PDE7A: variants seen among roughly 807,000 people sequenced by gnomAD.
PDE7A encodes phosphodiesterase 7A.
In PDE7A, 39 loss-of-function variants were observed where a neutral mutation model predicts 64.3. The observed-to-expected ratio is 0.61, with a 90% CI of 0.47 to 0.79. The LOEUF (loss-of-function observed/expected upper bound fraction) is 0.79. Ranked by LOEUF, PDE7A falls within the 30% of genes least tolerant of loss-of-function variation. PDE7A has a pLI of 0.00. For synonymous variants in PDE7A, 203 were observed against 206.8 expected (o/e 0.98, Z 0.16); for missense variants, 470 against 582.8 (o/e 0.81, Z 1.99).
intron 1 of PDE7A, among the ~76,000 whole-genome samples, chr8:65,794,577 G>T (rs1809788903): frequency 6.6e-6 from 1 of 152,144 alleles, no homozygotes; most frequent in Non-Finnish European, 1.5e-5. Flanking sequence ...AATAAGAATG[G>T]TAACTGTCCA....
At chr8:65,766,837 C>A (rs1396544434) in intron 3 of PDE7A, among the ~76,000 whole-genome samples, 1 of 152,174 alleles carries the variant, frequency 6.6e-6, no homozygotes, top group Non-Finnish European at 1.5e-5. Context: ...GACCACAAAT[C>A]TGTACCTTAA....
chr8:65,839,870 G>C (rs1448696137), intron 1 of PDE7A, among the ~76,000 whole-genome samples: 2 of 152,108 alleles, frequency 1.3e-5, no homozygotes, highest in African/African-American at 4.8e-5. Context: ...TTCTCAGAGA[G>C]CACAAGAACT....
chr8:65,775,670 A>C (rs57463822), intron 3 of PDE7A, among the ~76,000 whole-genome samples: 64,603 of 152,176 alleles, frequency 0.42, 17,206 homozygotes, highest in African/African-American at 0.76. Context: ...CTCTGTAGCC[A>C]AGGCTTGAGT....
chr8:65,761,781 C>T (rs1452925823), intron 3 of PDE7A, among the ~76,000 whole-genome samples: 1 of 152,186 alleles, frequency 6.6e-6, no homozygotes, highest in Non-Finnish European at 1.5e-5. Flanking sequence ...ATGTAAAAGA[C>T]ATGTTTTTCT....
At position 65,763,037 on chromosome 8, in the gene PDE7A, G is replaced by A. The variant is rs1309824109; in HGVS notation, c.284-15234C>T. On this transcript the variant is annotated intron_variant, in intron 3 of 12. Transcript: ENST00000401827. ...TGTGTGTGTGTGTGTGTGTGTGTGTGTATAAAATGAATATACAGCTTAAAC... is the reference window on the plus strand; with the variant it reads ...TGTGTGTGTGTGTGTGTGTGTGTGTATATAAAATGAATATACAGCTTAAAC... Among the ~76,000 whole-genome samples, 6 of 134,806 alleles carry A rather than the reference G, an allele frequency of 4.5e-5. No homozygotes were observed. In the East Asian group the frequency reaches 7.2e-4, roughly 16 times the overall value. The allele number at this position is 134,806 out of a possible 152,430, so 88.4% of individuals were successfully genotyped here. A position where few individuals can be genotyped will look rare whatever the true frequency, so the allele number is the denominator to read the frequency against.
At position 65,785,245 on chromosome 8, in the gene PDE7A, G is replaced by T. The variant is rs1368105255; in HGVS notation, c.139-2402C>A. On this transcript the variant is annotated intron_variant, in intron 1 of 12. Coordinates refer to ENST00000401827, the MANE Select transcript of PDE7A (RefSeq NM_001242318.3). Reference sequence around the variant, plus strand: ...ACTGGGTGTCTCCAAGGAGGCTGAGGGATACAGAGGTAGGAGAGGGGCTTT... The same window carrying T: ...ACTGGGTGTCTCCAAGGAGGCTGAGTGATACAGAGGTAGGAGAGGGGCTTT... Among the ~76,000 whole-genome samples, 3 of 152,100 alleles carry T rather than the reference G, an allele frequency of 2.0e-5. No homozygotes were observed. The East Asian group carries it at 5.8e-4, about 29-fold the overall frequency.
rs771568972 is a variant in PDE7A at position 65,715,527 on chromosome 8, G to A, written c.*3763C>T. ...CGAGTAGCTGGGATTACAGGAATGCGCCACCACGCCCAGCTAATTTTTGCA... is the reference window on the plus strand; with the variant it reads ...CGAGTAGCTGGGATTACAGGAATGCACCACCACGCCCAGCTAATTTTTGCA... On this transcript the variant is annotated 3_prime_UTR_variant, in exon 13 of 13. Transcript: ENST00000401827. 2.6e-5 allele frequency among the ~76,000 whole-genome samples: 4 copies of A among 151,600 alleles called. No homozygotes were observed. The highest frequency in any genetic ancestry group is 4.4e-5 in the Non-Finnish European group (3 of 67,874).
Position 65,798,204 on chromosome 8 carries a change from A to ATT in PDE7A, c.139-15362_139-15361insAA, listed in dbSNP as rs377351893. Among the ~76,000 whole-genome samples, 137 of 38,192 alleles carry ATT rather than the reference A, an allele frequency of 3.6e-3. 1 individual carries two copies. The highest frequency in any genetic ancestry group is 0.012 in the Middle Eastern group (1 of 82). 25.1% of individuals were successfully genotyped at this position (38,192 alleles called of 152,430 possible). The stretch of plus-strand genomic sequence containing the variant: ...CATATATATATATATATATATATAT[A>ATT]TATTTTTTTTTTTTTGAGATGGAGT... On this transcript the variant is annotated intron_variant, in intron 1 of 12. Coordinates refer to ENST00000401827, the MANE Select transcript of PDE7A (RefSeq NM_001242318.3).
At chr8:65,730,211 G>A (rs183948498) in intron 7 of PDE7A, among the ~76,000 whole-genome samples, 48 of 98,320 alleles carry the variant, frequency 4.9e-4, no homozygotes, top group African/African-American at 1.6e-3. Context: ...ATGGAGTTTC[G>A]CTCTTGTTGC....
chr8:65,730,181 T>C (rs1357706866), intron 7 of PDE7A, among the ~76,000 whole-genome samples: 16 of 131,470 alleles, frequency 1.2e-4, no homozygotes, highest in Non-Finnish European at 2.1e-4. Flanking sequence ...CTTTTTTTTT[T>C]TTTTTTTTTT....
chr8:65,803,351 T>C (rs367800384), intron 1 of PDE7A, among the ~76,000 whole-genome samples: 14 of 152,320 alleles, frequency 9.2e-5, no homozygotes, highest in African/African-American at 3.4e-4. Context: ...AGAAATAAAC[T>C]GAAGATTCAT....
intron 1 of PDE7A, among the ~76,000 whole-genome samples, chr8:65,822,981 T>C (rs1810579995): frequency 6.6e-6 from 1 of 152,012 alleles, no homozygotes; most frequent in African/African-American, 2.4e-5. Context: ...AAACACTCTA[T>C]GGAAAATAAA....
At chr8:65,836,516 GTTC>G (rs1191791803) in intron 1 of PDE7A, among the ~76,000 whole-genome samples, 12 of 152,150 alleles carry the variant, frequency 7.9e-5, no homozygotes, top group Non-Finnish European at 1.3e-4. Flanking sequence ...TTCAAAAGAT[GTTC>G]TTACCTTTTG....
chr8:65,725,846 T>C (rs935609123), intron 9 of PDE7A, among the ~76,000 whole-genome samples: 2 of 152,184 alleles, frequency 1.3e-5, no homozygotes, highest in Non-Finnish European at 2.9e-5. Flanking sequence ...GAAGCAAACA[T>C]TTTAATCTGT....
chr8:65,837,271 G>C (rs1810970085), intron 1 of PDE7A, among the ~76,000 whole-genome samples: 1 of 152,224 alleles, frequency 6.6e-6, no homozygotes, highest in South Asian at 2.1e-4. Flanking sequence ...TATAAGGAAG[G>C]GTATGCATAC....
At chr8:65,790,415 G>A (rs1395572379) in intron 1 of PDE7A, among the ~76,000 whole-genome samples, 1 of 152,166 alleles carries the variant, frequency 6.6e-6, no homozygotes, top group Non-Finnish European at 1.5e-5. Context: ...AAGATGGCAT[G>A]GGCTGACTGA....
chr8:65,747,191 T>C (rs1257075017), intron 4 of PDE7A, among the ~76,000 whole-genome samples: 2 of 151,758 alleles, frequency 1.3e-5, no homozygotes, highest in African/African-American at 4.8e-5. Flanking sequence ...ATGTTATTAA[T>C]ACACACACAC....
intron 1 of PDE7A, among the ~76,000 whole-genome samples, chr8:65,804,378 G>C (rs570594929): frequency 5.9e-5 from 9 of 152,134 alleles, no homozygotes; most frequent in African/African-American, 1.9e-4. Flanking sequence ...TCCATCCCAA[G>C]AAAGTCGTGT....
Position 65,754,347 on chromosome 8 carries a change from C to T in PDE7A, c.284-6544G>A, listed in dbSNP as rs1808115007. 2.0e-5 allele frequency among the ~76,000 whole-genome samples: 3 copies of T among 152,076 alleles called. No individual in the cohort carries two copies. In the South Asian group the frequency reaches 6.2e-4, roughly 31 times the overall value. The stretch of plus-strand genomic sequence containing the variant: ...CTCACAGACACACCCAGGATCAATA[C>T]TTTGCATCCTTCAATCCAATCAAGT... On this transcript the variant is annotated intron_variant, in intron 3 of 12. Transcript: ENST00000401827.
Sources: gnomAD v4.1 joint callset for allele counts (sites outside exome capture counted in the v4.1 genomes callset) on GRCh38, gnomAD v4.1.1 for gene constraint, MANE v1.5 for transcripts, NCBI Gene and HGNC (gene_info 2026-07-23, HGNC 2026-07-21) for gene names.